Variants in CYFIP1 observed in about 807,000 individuals in gnomAD.
The protein encoded by CYFIP1 is cytoplasmic FMR1-interacting protein 1.
Under a neutral mutation model 163.5 loss-of-function variants are expected in CYFIP1, and 58 were observed. The observed-to-expected ratio is 0.35, with a 90% CI of 0.29 to 0.44. The LOEUF is 0.44. CYFIP1 is among the 20% of genes least tolerant of loss of function. The pLI, the probability that CYFIP1 is intolerant of heterozygous loss-of-function variation, is 1.00. For missense variants in CYFIP1, 1,338 were observed against 1,653.8 expected (o/e 0.81, Z 3.31); for synonymous variants, 663 against 660.7 (o/e 1.00, Z -0.05).
chr15:22,946,928 T>C (rs1213419029), intron 3 of CYFIP1, 75 bp downstream of exon 3: 3 of 1,269,950 alleles, frequency 2.4e-6, no homozygotes, highest in African/African-American at 1.5e-5. Context: ...ATTGGGATAA[T>C]ACCAAAAAGT....
At chr15:22,962,683 C>A (rs187171731) in intron 1 of CYFIP1, among the ~76,000 whole-genome samples, 9 of 151,816 alleles carry the variant, frequency 5.9e-5, no homozygotes, top group Non-Finnish European at 1.3e-4. Flanking sequence ...AGATTACAGA[C>A]GTGAGCCACC....
Position 22,917,224 on chromosome 15 carries a change from T to C in CYFIP1, c.1674+564A>G. ...CATTGCTGGTGACTTTCCAGAAGAGTGGCAGAAGAGATTAAAAGCCTCCGG... is the reference window on the plus strand; with the variant it reads ...CATTGCTGGTGACTTTCCAGAAGAGCGGCAGAAGAGATTAAAAGCCTCCGG... On this transcript the variant is annotated intron_variant, in intron 15 of 30. Coordinates refer to ENST00000617928, the MANE Select transcript of CYFIP1 (RefSeq NM_014608.6). This position sits in a 1 kb window ranked among gnomAD's most constrained non-coding sequence, Gnocchi z 4.2. 1 of 1,409,046 alleles carries C rather than the reference T, an allele frequency of 7.1e-7. No homozygotes were observed. Among genetic ancestry groups the C allele is most frequent in the Non-Finnish European group, 9.2e-7 (1 of 1,088,980 alleles). 87.3% of individuals were successfully genotyped at this position (1,409,046 alleles called of 1,614,324 possible).
chr15:22,923,564 A>C (rs565862391), intron 13 of CYFIP1, among the ~76,000 whole-genome samples: 2 of 152,250 alleles, frequency 1.3e-5, no homozygotes, highest in South Asian at 4.2e-4. Context: ...TCAAAAGCTA[A>C]ATGTGCTGTT....
At chr15:22,969,346 A>T (rs1043802608) in intron 1 of CYFIP1, among the ~76,000 whole-genome samples, 1 of 152,164 alleles carries the variant, frequency 6.6e-6, no homozygotes, top group Non-Finnish European at 1.5e-5. Flanking sequence ...CAGTCGTAAT[A>T]AAGTTGGAGG....
At chr15:22,953,570 C>G (rs8026390) in intron 1 of CYFIP1, among the ~76,000 whole-genome samples, 36,860 of 152,016 alleles carry the variant, frequency 0.24, 5,090 homozygotes, top group African/African-American at 0.35. Context: ...TCCCAGGCAG[C>G]AGCACCAGGT....
chr15:22,870,258 A>C, intron 30 of CYFIP1, 66 bp from the exon 31 acceptor site: 1 of 1,497,684 alleles, frequency 6.7e-7, no homozygotes, highest in South Asian at 1.2e-5. Flanking sequence ...ATGTTTCAAA[A>C]TGTCAGGATT....
chr15:22,978,010 A>G (rs1462215992), intron 1 of CYFIP1, among the ~76,000 whole-genome samples: 1 of 152,106 alleles, frequency 6.6e-6, no homozygotes, highest in Non-Finnish European at 1.5e-5. Flanking sequence ...CTATAATGTC[A>G]ATCAACAGGA....
chr15:22,920,751 C>T (rs1216018558), intron 13 of CYFIP1, among the ~76,000 whole-genome samples: 1 of 152,130 alleles, frequency 6.6e-6, no homozygotes, highest in African/African-American at 2.4e-5. Flanking sequence ...GTGATGGCGC[C>T]GCAGGCACTG....
intron 6 of CYFIP1, among the ~76,000 whole-genome samples, chr15:22,941,351 C>T (rs937541257): frequency 1.3e-5 from 2 of 152,102 alleles, no homozygotes; most frequent in Admixed American, 1.3e-4. Context: ...TGTGAGCCAT[C>T]GCACCTGGCC....
At chr15:22,925,153 C>T (rs540744757) in intron 13 of CYFIP1, among the ~76,000 whole-genome samples, 1 of 102,664 alleles carries the variant, frequency 9.7e-6, no homozygotes, top group Admixed American at 8.8e-5. Flanking sequence ...TCTGTCAATT[C>T]TCCTGTCATG....
chr15:22,976,932 G>T (rs138074540), intron 1 of CYFIP1, among the ~76,000 whole-genome samples: 1,930 of 152,270 alleles, frequency 0.013, 37 homozygotes, highest in African/African-American at 0.044. Flanking sequence ...GGGCCCGGTG[G>T]CTCACGCCTA....
Position 22,926,023 on chromosome 15 carries a change from G to A in CYFIP1, c.1318C>T (p.Arg440Cys), listed in dbSNP as rs775056194. Residue 440 changes from arginine to cysteine, a missense_variant, in exon 13 of 31, where the codon CGC (arginine) becomes TGC (cysteine). Arg to Cys is a radical substitution (Grantham distance 180). Around this residue, in one of 4 missense-constraint regions of CYFIP1, gnomAD observed 824 missense variants for 995.7 expected, o/e 0.83. Coordinates refer to ENST00000617928, the MANE Select transcript of CYFIP1 (RefSeq NM_014608.6). ...TTCTCCTCGCTGGTGTAGTTGTAGC[G>A]CGTGGCACGCTCGTACTCTTCAGCG... ...DSAEEYERAT[R>C]YNYTSEEKFA... The A allele has an allele frequency of 1.1e-5, 17 of 1,613,826 alleles. No homozygotes were observed. The highest frequency in any genetic ancestry group is 5.0e-5 in the Admixed American group (3 of 59,992).
intron 1 of CYFIP1, among the ~76,000 whole-genome samples, chr15:22,962,063 C>G (rs1038858101): frequency 1.3e-5 from 2 of 152,164 alleles, no homozygotes; most frequent in African/African-American, 4.8e-5. Context: ...AGCCAAACAG[C>G]TGCTCAGGTG....
intron 1 of CYFIP1, among the ~76,000 whole-genome samples, chr15:22,962,167 G>C (rs933213687): frequency 6.6e-6 from 1 of 152,118 alleles, no homozygotes; most frequent in Admixed American, 6.6e-5. Flanking sequence ...CAAACTGATT[G>C]GTAGTAGGAT....
At chr15:22,870,286 A>AAAT in intron 30 of CYFIP1, 94 bp from the exon 31 acceptor site, 1 of 1,430,824 alleles carries the variant, frequency 7.0e-7, no homozygotes, top group Non-Finnish European at 9.5e-7. Flanking sequence ...TTTCTCAGAA[A>AAAT]AATAATAGCA....
At chr15:22,937,235 G>A (rs749794728) in intron 8 of CYFIP1, 27 bp from the exon 9 acceptor site, 4 of 1,386,850 alleles carry the variant, frequency 2.9e-6, no homozygotes, top group Non-Finnish European at 4.1e-6. Flanking sequence ...TGAATGATGC[G>A]ACAAAGCTCA....
rs183400778 is a variant in CYFIP1 at position 22,922,770 on chromosome 15, T to C, written c.1359+3212A>G. ...ACTTTGGGAGGCAAAGGCGGGTAGA[T>C]CACCTGAGGTGAGGGGTTCAGGACC... On this transcript the variant is annotated intron_variant, in intron 13 of 30. Transcript: ENST00000617928. Among the ~76,000 whole-genome samples, 8 of 152,294 alleles carry C rather than the reference T, an allele frequency of 5.3e-5. No homozygotes were observed. In the East Asian group the frequency reaches 1.4e-3, roughly 26 times the overall value.
chr15:22,944,652 C>T lies in CYFIP1; in HGVS notation c.293G>A (p.Cys98Tyr), dbSNP rs776854589. 4 of 1,613,490 alleles carry T rather than the reference C, an allele frequency of 2.5e-6. No individual in the cohort carries two copies. Among genetic ancestry groups the T allele is most frequent in the Middle Eastern group, 1.6e-4 (1 of 6,062 alleles). The change falls in exon 5 of 31, where the codon TGT becomes TAT. Residue 98 changes from cysteine (C) to tyrosine (Y), a missense_variant. Cys to Tyr is a radical substitution (Grantham distance 194). Transcript: ENST00000617928. ...TTCCACTCTGTTAGGCTGCTCGTTA[C>T]ATTTCACCTGGGAATAAAGGAACAA... ...SCSRAIPQVKCNEQPNRVEIY... is the reference protein window; with the variant it reads ...SCSRAIPQVKYNEQPNRVEIY...
At chr15:22,966,373 CAAAAA>C (rs35976278) in intron 1 of CYFIP1, among the ~76,000 whole-genome samples, 1 of 96,916 alleles carries the variant, frequency 1.0e-5, no homozygotes, top group Non-Finnish European at 2.0e-5. Context: ...AACTCCGTCT[CAAAAA>C]AAAAAAAAAA....
Sources: gnomAD v4.1 joint callset for allele counts (sites outside exome capture counted in the v4.1 genomes callset) on GRCh38, gnomAD v4.1.1 for gene constraint, gnomAD v4.1.1 regional missense constraint, Gnocchi (gnomAD v3.1) non-coding constraint, MANE v1.5 for transcripts, NCBI Gene and HGNC (gene_info 2026-07-23, HGNC 2026-07-21) for gene names.